The following TEKT5 variants were observed in gnomAD, a reference collection of about 807,000 sequenced individuals.
TEKT5 encodes the protein tektin-5.
TEKT5 carries 52 observed loss-of-function variants against 48.7 expected under a neutral mutation model. The observed-to-expected ratio is 1.07, with a 90% CI of 0.86 to 1.35. The LOEUF is 1.35. Ranked by LOEUF, TEKT5 falls within the 40% of genes most tolerant of loss-of-function variation. The pLI is 0.00. For missense variants in TEKT5, 831 were observed against 641.6 expected, an observed-to-expected ratio of 1.30 and a Z score of -3.19; for synonymous variants, 318 against 267.6, an observed-to-expected ratio of 1.19 and a Z score of -1.84.
At chr16:10,639,261 C>T (rs540917352) in intron 5 of TEKT5, among the ~76,000 whole-genome samples, 4 of 151,756 alleles carry the variant, frequency 2.6e-5, no homozygotes, top group South Asian at 4.2e-4. Flanking sequence ...GAGCTATGAT[C>T]GCACCACTGC....
chr16:10,631,969 G>C (rs868131716), intron 6 of TEKT5, among the ~76,000 whole-genome samples: 1 of 152,234 alleles, frequency 6.6e-6, no homozygotes, highest in African/African-American at 2.4e-5. Context: ...AAGGTGAGCT[G>C]TGATGGTGGC....
chr16:10,690,457 T>G, intron 1 of TEKT5: 1 of 594,668 alleles, frequency 1.7e-6, no homozygotes, highest in Non-Finnish European at 2.1e-6. Context: ...TGTGTGCATT[T>G]GGGCAAACTG....
At chr16:10,660,014 C>T (rs1016044493) in intron 5 of TEKT5, among the ~76,000 whole-genome samples, 17 of 152,304 alleles carry the variant, frequency 1.1e-4, no homozygotes, top group Non-Finnish European at 2.2e-4. Flanking sequence ...ATACGTATTA[C>T]TATTTTAATT....
intron 6 of TEKT5, among the ~76,000 whole-genome samples, chr16:10,634,998 C>T (rs1435142848): frequency 6.6e-6 from 1 of 152,200 alleles, no homozygotes; most frequent in African/African-American, 2.4e-5. Flanking sequence ...TTTCAAGTCA[C>T]TACCTTTTGG....
chr16:10,657,714 T>C (rs1048443173), intron 5 of TEKT5, among the ~76,000 whole-genome samples: 1 of 151,498 alleles, frequency 6.6e-6, no homozygotes, highest in Non-Finnish European at 1.5e-5. Context: ...CTCAGCCTCC[T>C]GAGTAGCTGG....
intron 6 of TEKT5, 55 bp from the exon 7 acceptor site, chr16:10,627,854 A>G: frequency 6.6e-7 from 1 of 1,522,272 alleles, no homozygotes; most frequent in Non-Finnish European, 8.9e-7. Context: ...TTATTTGTTT[A>G]TTTTTTGAGA....
At chr16:10,665,108 C>A (rs1405598608) in intron 5 of TEKT5, among the ~76,000 whole-genome samples, 2 of 152,102 alleles carry the variant, frequency 1.3e-5, no homozygotes, top group African/African-American at 4.8e-5. Context: ...GAGGCTGGAC[C>A]AAGGAGGAGG....
In TEKT5 at chr16:10,651,241, A is replaced by C. The variant is rs114465164; in HGVS notation, c.1087-15323T>G. ...CTCATTCTCTCACCTCCTTCAGGCT[A>C]GGGCTAAAAAGCCAAGAAGGCCTTC... On this transcript the variant is annotated intron_variant, in intron 5 of 6. Transcript: ENST00000283025. Among the ~76,000 whole-genome samples the C allele has an allele frequency of 7.3e-3, 1,117 of 152,260 alleles. 20 individuals carry two copies. Among genetic ancestry groups the C allele is most frequent in the African/African-American group, 0.022 (929 of 41,542 alleles).
intron 1 of TEKT5, chr16:10,690,794 G>A: frequency 1.0e-6 from 1 of 985,386 alleles, no homozygotes; most frequent in Non-Finnish European, 1.2e-6. Flanking sequence ...GCAGTGATTA[G>A]CAAACCAGCC....
chr16:10,639,968 T>G (rs1261593310), intron 5 of TEKT5, among the ~76,000 whole-genome samples: 2 of 152,004 alleles, frequency 1.3e-5, no homozygotes, highest in Non-Finnish European at 1.5e-5. Flanking sequence ...CTAAAGCTTA[T>G]GCATGCTTCT....
intron 6 of TEKT5, 119 bp downstream of exon 6, chr16:10,635,645 C>G: frequency 6.9e-7 from 1 of 1,444,798 alleles, no homozygotes; most frequent in South Asian, 1.3e-5. Context: ...GACTGGATGT[C>G]CTGATTGAAG....
intron 5 of TEKT5, among the ~76,000 whole-genome samples, chr16:10,640,792 T>G (rs1897984119): frequency 6.6e-6 from 1 of 152,224 alleles, no homozygotes; most frequent in Non-Finnish European, 1.5e-5. Flanking sequence ...ATTATTCATG[T>G]TGTTGTGTGT....
rs181361294 is a variant in TEKT5, at chr16:10,687,849, G to A, written c.719+1404C>T. On this transcript the variant is annotated intron_variant, in intron 3 of 6. Transcript: ENST00000283025. ...TATTTTATTTTTTAAGCCTTTAAGG[G>A]TACATAGTAGGTGTATATATTTGTG... Among the ~76,000 whole-genome samples, 191 of 152,256 alleles carry A rather than the reference G, an allele frequency of 1.3e-3. 1 individual carries two copies. The highest frequency in any genetic ancestry group is 2.4e-3 in the Non-Finnish European group (165 of 68,030).
intron 5 of TEKT5, among the ~76,000 whole-genome samples, chr16:10,653,830 T>C (rs1898211106): frequency 6.6e-6 from 1 of 152,148 alleles, no homozygotes. Context: ...GGAGAGTCAC[T>C]TGAACCTGGG....
chr16:10,644,003 T>C (rs565278235), intron 5 of TEKT5, among the ~76,000 whole-genome samples: 1 of 152,250 alleles, frequency 6.6e-6, no homozygotes, highest in Non-Finnish European at 1.5e-5. Flanking sequence ...GGTCGCACCA[T>C]CGCACTCCAG....
Position 10,635,858 on chromosome 16 carries a change from C to A in TEKT5, c.1147G>T (p.Ala383Ser). 1 of 1,614,130 alleles carries A rather than the reference C, an allele frequency of 6.2e-7. No homozygotes were observed. The highest frequency in any genetic ancestry group is 1.7e-5 in the Admixed American group (1 of 60,034). The change falls in exon 6 of 7, where the codon GCC becomes TCC. Residue 383 changes from alanine to serine, a missense_variant. Transcript: ENST00000283025. ...GCCACCTTCAGCGGGCCCTCCTTGG[C>A]CATGATGGACCTTTCCAGCAGCATG... ...TIMLLERSIM[A>S]KEGPLKVAQT...
At chr16:10,635,980 G>T (rs989213946) in intron 5 of TEKT5, 62 bp from the exon 6 acceptor site, 112 of 1,587,190 alleles carry the variant, frequency 7.1e-5, no homozygotes, top group Non-Finnish European at 8.6e-5. Flanking sequence ...CTGACTGGGG[G>T]CCTGGGGGGA....
At chr16:10,644,049 TAAATA>T (rs1321859361) in intron 5 of TEKT5, among the ~76,000 whole-genome samples, 6 of 152,068 alleles carry the variant, frequency 3.9e-5, no homozygotes, top group African/African-American at 9.7e-5. Flanking sequence ...CCTCAAAAAA[TAAATA>T]AAATAACATA....
At chr16:10,639,656 C>G (rs74007188) in intron 5 of TEKT5, among the ~76,000 whole-genome samples, 3,433 of 152,310 alleles carry the variant, frequency 0.023, 134 homozygotes, top group African/African-American at 0.079. Flanking sequence ...TCAAATAAGA[C>G]ACCAATACAT....
Sources: gnomAD v4.1 joint callset for allele counts (sites outside exome capture counted in the v4.1 genomes callset) on GRCh38, gnomAD v4.1.1 for gene constraint, MANE v1.5 for transcripts, NCBI Gene and HGNC (gene_info 2026-07-23, HGNC 2026-07-21) for gene names.